Variants in SEMA5A observed in about 807,000 individuals in gnomAD.
SEMA5A encodes the protein semaphorin-5A.
A neutral mutation model predicts 135.5 loss-of-function variants in SEMA5A; 55 were observed. The observed-to-expected ratio is 0.41, with a 90% CI of 0.33 to 0.51. The LOEUF (loss-of-function observed/expected upper bound fraction) is 0.51, where lower values mean the gene tolerates loss of function less well. SEMA5A is among the 20% of genes least tolerant of loss of function. The pLI, the probability that SEMA5A is intolerant of heterozygous loss-of-function variation, is 0.37. For synonymous variants in SEMA5A, 580 were observed against 546.5 expected (o/e 1.06, Z -0.85); for missense variants, 1,290 against 1,419.9 (o/e 0.91, Z 1.47).
intron 5 of SEMA5A, among the ~76,000 whole-genome samples, chr5:9,292,041 C>A (rs1053780029): frequency 1.3e-5 from 2 of 152,112 alleles, no homozygotes; most frequent in Non-Finnish European, 2.9e-5. Context: ...CTGGCTGTCA[C>A]CCCTGCCTCA....
intron 5 of SEMA5A, among the ~76,000 whole-genome samples, chr5:9,315,821 A>G (rs912232887): frequency 2.0e-5 from 3 of 152,088 alleles, no homozygotes; most frequent in African/African-American, 7.2e-5. Flanking sequence ...GTCATGGGCT[A>G]TTTGCCAGAT....
At chr5:9,141,197 A>G (rs1370050504) in intron 12 of SEMA5A, among the ~76,000 whole-genome samples, 1 of 152,210 alleles carries the variant, frequency 6.6e-6, no homozygotes, top group East Asian at 1.9e-4. Flanking sequence ...AAAATCTATT[A>G]CACAATTTTA....
At chr5:9,347,740 G>T (rs572700437) in intron 3 of SEMA5A, among the ~76,000 whole-genome samples, 10 of 152,122 alleles carry the variant, frequency 6.6e-5, no homozygotes, top group Non-Finnish European at 1.0e-4. Context: ...CGGCAGACAG[G>T]CTTCATGTCC....
intron 1 of SEMA5A, among the ~76,000 whole-genome samples, chr5:9,485,857 C>G (rs1173569331): frequency 6.6e-6 from 1 of 152,016 alleles, no homozygotes; most frequent in Non-Finnish European, 1.5e-5. Context: ...GTTAAAGTAG[C>G]AACTATTAGG....
At position 9,255,547 on chromosome 5, in the gene SEMA5A, C is replaced by A. The variant is rs574440902; in HGVS notation, c.271-17657G>T. On this transcript the variant is annotated intron_variant, in intron 5 of 22. Transcript: ENST00000382496. ...CCATTATAGCATTTGACAATCTAAG[C>A]ATTCCTTCTGGGACCACCTTCTGCC... 4.6e-5 allele frequency among the ~76,000 whole-genome samples: 7 copies of A among 152,252 alleles called. No homozygotes were observed. In the South Asian group the frequency reaches 1.5e-3, roughly 32 times the overall value.
intron 2 of SEMA5A, among the ~76,000 whole-genome samples, chr5:9,412,750 G>A (rs992601778): frequency 6.6e-6 from 1 of 151,976 alleles, no homozygotes; most frequent in Non-Finnish European, 1.5e-5. Flanking sequence ...ATAATTTTAT[G>A]CATGAAACAA....
chr5:9,324,007 C>T (rs1204298792), intron 4 of SEMA5A, among the ~76,000 whole-genome samples: 1 of 151,698 alleles, frequency 6.6e-6, no homozygotes, highest in East Asian at 2.0e-4. Flanking sequence ...TCAAATACCT[C>T]ACTACACAAA....
rs1253897639 is a variant in SEMA5A at position 9,200,114 on chromosome 5, T to A, written c.932+1841A>T. ...GGTGGAAAATATTGTGAAATTTGAGTTGGGCATATTAGAAATGCATTCTCA... is the reference window on the plus strand; with the variant it reads ...GGTGGAAAATATTGTGAAATTTGAGATGGGCATATTAGAAATGCATTCTCA... On this transcript the variant is annotated intron_variant, in intron 9 of 22. Transcript: ENST00000382496. Among the ~76,000 whole-genome samples, 4 of 152,136 alleles carry A rather than the reference T, an allele frequency of 2.6e-5. No homozygotes were observed. The South Asian group carries it at 6.2e-4, about 24-fold the overall frequency.
At chr5:9,051,231 A>C (rs1736558620) in intron 20 of SEMA5A, among the ~76,000 whole-genome samples, 1 of 152,244 alleles carries the variant, frequency 6.6e-6, no homozygotes, top group Admixed American at 6.5e-5. Flanking sequence ...GGCTTATAGA[A>C]TTCAACTCTA....
intron 9 of SEMA5A, 76 bp downstream of exon 9, chr5:9,201,879 C>A: frequency 7.1e-7 from 1 of 1,403,798 alleles, no homozygotes; most frequent in Non-Finnish European, 9.7e-7. Flanking sequence ...AATTTAAAAC[C>A]TCAGAGGTCA....
chr5:9,338,603 C>T lies in SEMA5A; in HGVS notation c.125-791G>A, dbSNP rs529511777. Among the ~76,000 whole-genome samples the T allele has an allele frequency of 1.2e-4, 19 of 152,298 alleles. 1 individual carries two copies. The South Asian group carries it at 3.9e-3, about 32-fold the overall frequency. On this transcript the variant is annotated intron_variant, in intron 3 of 22. Coordinates refer to ENST00000382496, the MANE Select transcript of SEMA5A (RefSeq NM_003966.3). ...AATATTCAGTGAGTTGCCCACCAAA[C>T]GTGGGATACCTTATCATTATCATTG...
chr5:9,109,103 T>G (rs253655), intron 15 of SEMA5A, among the ~76,000 whole-genome samples: 15,676 of 136,976 alleles, frequency 0.11, 1,444 homozygotes, highest in East Asian at 0.33. Flanking sequence ...TGCAGTGGCG[T>G]GATCTCGGCT....
chr5:9,375,291 G>A (rs1280838114), intron 3 of SEMA5A, among the ~76,000 whole-genome samples: 1 of 152,112 alleles, frequency 6.6e-6, no homozygotes, highest in Non-Finnish European at 1.5e-5. Flanking sequence ...CAGACAAATT[G>A]TTTAAGATGA....
At chr5:9,128,946 C>CA (rs1348835397) in intron 13 of SEMA5A, among the ~76,000 whole-genome samples, 1 of 152,166 alleles carries the variant, frequency 6.6e-6, no homozygotes, top group Non-Finnish European at 1.5e-5. Flanking sequence ...TGTGACAACC[C>CA]AAAATGTCTC....
At chr5:9,441,923 C>A (rs1272711130) in intron 1 of SEMA5A, among the ~76,000 whole-genome samples, 3 of 152,188 alleles carry the variant, frequency 2.0e-5, no homozygotes, top group African/African-American at 7.2e-5. Flanking sequence ...AAGGCAGAGT[C>A]ACTGAAGGTT....
chr5:9,428,694 A>G (rs947922644), intron 2 of SEMA5A, among the ~76,000 whole-genome samples: 2 of 152,182 alleles, frequency 1.3e-5, no homozygotes, highest in Non-Finnish European at 2.9e-5. Context: ...CCCCAGCTGG[A>G]CAATATGGGG....
At chr5:9,078,332 C>G (rs1738181426) in intron 16 of SEMA5A, among the ~76,000 whole-genome samples, 1 of 152,106 alleles carries the variant, frequency 6.6e-6, no homozygotes, top group African/African-American at 2.4e-5. Context: ...TTTAAACATA[C>G]TATAAGTGCT....
chr5:9,119,430 A>T (rs1194125899), intron 14 of SEMA5A, among the ~76,000 whole-genome samples: 1 of 152,242 alleles, frequency 6.6e-6, no homozygotes, highest in Non-Finnish European at 1.5e-5. Flanking sequence ...AACTTGAGTC[A>T]TGAAAATATT....
chr5:9,052,452 A>G (rs1194125433), intron 19 of SEMA5A, among the ~76,000 whole-genome samples: 1 of 152,158 alleles, frequency 6.6e-6, no homozygotes, highest in Admixed American at 6.5e-5. Context: ...ACATTCCTGA[A>G]AATTCTCCAC....
Sources: allele counts gnomAD v4.1 joint callset (sites outside exome capture counted in the v4.1 genomes callset), GRCh38; gene constraint gnomAD v4.1.1; transcripts MANE v1.5; gene names NCBI Gene and HGNC (gene_info 2026-07-23, HGNC 2026-07-21).